The following TRAPPC3L variants were observed in gnomAD, a reference collection of about 807,000 sequenced individuals.
The protein encoded by TRAPPC3L is trafficking protein particle complex subunit 3-like protein.
TRAPPC3L carries 23 observed loss-of-function variants against 23.7 expected under a neutral mutation model. That is an observed-to-expected ratio of 0.97 (90% confidence interval 0.70 to 1.37). The LOEUF (loss-of-function observed/expected upper bound fraction) is 1.37. Ranked by LOEUF, TRAPPC3L falls within the 40% of genes most tolerant of loss-of-function variation. The probability of loss-of-function intolerance (pLI) is 0.00; values close to 1 mark genes in which losing one functional copy is unlikely to be tolerated. For synonymous variants in TRAPPC3L, 81 were observed against 77.9 expected (o/e 1.04, Z -0.21); for missense variants, 212 against 216.8 (o/e 0.98, Z 0.14).
intron 3 of TRAPPC3L, chr6:116,516,017 T>A (rs1772218667): frequency 6.4e-7 from 1 of 1,551,186 alleles, no homozygotes; most frequent in African/African-American, 1.4e-5. Flanking sequence ...ACTCATGGTG[T>A]TGAGTGGCAT....
rs1771893818 is a variant in TRAPPC3L, at chr6:116,500,465, A to T, written c.426+16T>A. 1 of 1,537,676 alleles carries T rather than the reference A, an allele frequency of 6.5e-7. No homozygotes were observed. Among genetic ancestry groups the T allele is most frequent in the African/African-American group, 1.4e-5 (1 of 72,326 alleles). ...CTAAGAGATTCTTCATTCATTCTTC[A>T]CTTATTCAACTTTACCATTTCCAAG... is the stretch of plus-strand genomic sequence containing the variant. On this transcript the variant is annotated intron_variant, in intron 4 of 4. Coordinates refer to ENST00000368602, the MANE Select transcript of TRAPPC3L (RefSeq NM_001139444.3).
intron 3 of TRAPPC3L, chr6:116,519,529 C>A (rs1488833252): frequency 1.3e-5 from 2 of 152,158 alleles, no homozygotes; most frequent in Non-Finnish European, 2.9e-5. Context: ...AGAGGGCACC[C>A]AATGGTCATA....
intron 3 of TRAPPC3L, among the ~76,000 whole-genome samples, chr6:116,508,805 A>G (rs1296998137): frequency 6.6e-6 from 1 of 152,172 alleles, no homozygotes; most frequent in Non-Finnish European, 1.5e-5. Flanking sequence ...ACTTCTATTC[A>G]ACACAGTGCT....
chr6:116,506,341 G>A (rs1431370126), intron 3 of TRAPPC3L, among the ~76,000 whole-genome samples: 2 of 152,150 alleles, frequency 1.3e-5, no homozygotes. Context: ...TTAGAATGGC[G>A]ATCATCAAAA....
chr6:116,520,284 T>G (rs931855246), intron 3 of TRAPPC3L: 12 of 152,180 alleles, frequency 7.9e-5, no homozygotes, highest in African/African-American at 2.9e-4. Flanking sequence ...ACTTCAACTA[T>G]TAACTATATT....
intron 2 of TRAPPC3L, among the ~76,000 whole-genome samples, chr6:116,542,731 T>A: frequency 6.6e-6 from 1 of 152,112 alleles, no homozygotes; most frequent in East Asian, 1.9e-4. Flanking sequence ...AGTGAGTTTT[T>A]CTACCTAATA....
intron 2 of TRAPPC3L, among the ~76,000 whole-genome samples, chr6:116,541,643 T>G (rs1773470850): frequency 6.6e-6 from 1 of 152,206 alleles, no homozygotes; most frequent in South Asian, 2.1e-4. Flanking sequence ...TGGTTTATAA[T>G]TTCAGCCAAG....
intron 3 of TRAPPC3L, among the ~76,000 whole-genome samples, chr6:116,507,086 G>C (rs919551628): frequency 1.4e-5 from 2 of 142,004 alleles, no homozygotes; most frequent in African/African-American, 5.0e-5. Context: ...ATTTTCTGTG[G>C]AGATAATATG....
At chr6:116,535,679 T>C (rs143809408) in intron 3 of TRAPPC3L, among the ~76,000 whole-genome samples, 1 of 152,344 alleles carries the variant, frequency 6.6e-6, no homozygotes, top group African/African-American at 2.4e-5. Context: ...ATCTAATATT[T>C]CATTATTACA....
chr6:116,507,595 A>G (rs1772028761), intron 3 of TRAPPC3L, among the ~76,000 whole-genome samples: 1 of 152,102 alleles, frequency 6.6e-6, no homozygotes. Flanking sequence ...TAACTGCCTC[A>G]GTTGGCAGAT....
chr6:116,512,362 G>A, intron 3 of TRAPPC3L: 3 of 1,092,062 alleles, frequency 2.7e-6, no homozygotes, highest in Non-Finnish European at 3.9e-6. Flanking sequence ...ACTGAAACAT[G>A]ATGCAGCATT....
chr6:116,525,452 CAATT>C (rs1363234396), intron 3 of TRAPPC3L, among the ~76,000 whole-genome samples: 2 of 152,010 alleles, frequency 1.3e-5, no homozygotes, highest in Non-Finnish European at 2.9e-5. Flanking sequence ...ATAAAAATGA[CAATT>C]GATATAGAAG....
rs1389884281 is a variant in TRAPPC3L, at chr6:116,495,127, T to A, written c.*1827A>T. 2.7e-5 allele frequency: 4 copies of A among 150,386 alleles called. No individual in the cohort carries two copies. Among genetic ancestry groups the A allele is most frequent in the Non-Finnish European group, 5.9e-5 (4 of 67,664 alleles). 9.3% of individuals were successfully genotyped at this position (150,386 alleles called of 1,614,324 possible). ...CCAGATCTTATTCATTCTATCTAAC[T>A]ATATTTTTGTACCCATTAACCATCT... On this transcript the variant is annotated 3_prime_UTR_variant, in exon 5 of 5. Coordinates refer to ENST00000368602, the MANE Select transcript of TRAPPC3L (RefSeq NM_001139444.3).
intron 3 of TRAPPC3L, among the ~76,000 whole-genome samples, chr6:116,532,349 C>T (rs1350859686): frequency 3.3e-5 from 5 of 152,170 alleles, no homozygotes; most frequent in East Asian, 3.8e-4. Flanking sequence ...TATCCTTCCG[C>T]GTCTTGCCTC....
chr6:116,508,004 C>T (rs1015711753), intron 3 of TRAPPC3L, among the ~76,000 whole-genome samples: 1 of 152,092 alleles, frequency 6.6e-6, no homozygotes, highest in African/African-American at 2.4e-5. Context: ...AATACACAGG[C>T]CTGGACTTTG....
intron 3 of TRAPPC3L, among the ~76,000 whole-genome samples, chr6:116,508,314 G>C (rs1336782590): frequency 6.6e-6 from 1 of 152,148 alleles, no homozygotes; most frequent in Admixed American, 6.6e-5. Flanking sequence ...ACAAGACTAG[G>C]GGTCTGGAGG....
intron 3 of TRAPPC3L, among the ~76,000 whole-genome samples, chr6:116,507,698 C>T (rs1772031330): frequency 6.6e-6 from 1 of 152,104 alleles, no homozygotes; most frequent in Non-Finnish European, 1.5e-5. Context: ...TTGCAGGTAT[C>T]CCCTGTGGGT....
At chr6:116,525,306 G>T (rs1772425340) in intron 3 of TRAPPC3L, among the ~76,000 whole-genome samples, 1 of 152,134 alleles carries the variant, frequency 6.6e-6, no homozygotes, top group South Asian at 2.1e-4. Flanking sequence ...CTCTGTCTGG[G>T]CCCCTGGATT....
intron 3 of TRAPPC3L, chr6:116,520,569 G>T (rs1349846204): frequency 6.6e-6 from 1 of 152,074 alleles, no homozygotes; most frequent in Non-Finnish European, 1.5e-5. Context: ...GAATCACCTG[G>T]GGGCCTTTGA....
Sources: gnomAD v4.1 joint callset for allele counts (sites outside exome capture counted in the v4.1 genomes callset) on GRCh38, gnomAD v4.1.1 for gene constraint, MANE v1.5 for transcripts, NCBI Gene and HGNC (gene_info 2026-07-23, HGNC 2026-07-21) for gene names.